Variants in FGD4 observed in about 807,000 individuals in gnomAD.
FGD4 encodes FYVE, RhoGEF and PH domain containing 4.
Under a neutral mutation model 102.0 loss-of-function variants are expected in FGD4, and 42 were observed. That is an observed-to-expected ratio of 0.41 (90% CI 0.32 to 0.53). The LOEUF is 0.53. FGD4 is among the 20% of genes least tolerant of loss of function. The pLI is 0.21. For synonymous variants in FGD4, 380 were observed against 375.7 expected, an observed-to-expected ratio of 1.01 and a Z score of -0.13; for missense variants, 902 against 1,078.2, an observed-to-expected ratio of 0.84 and a Z score of 2.29.
intron 2 of FGD4, among the ~76,000 whole-genome samples, chr12:32,567,466 T>A (rs1480372856): frequency 6.6e-6 from 1 of 152,106 alleles, no homozygotes; most frequent in Non-Finnish European, 1.5e-5. Flanking sequence ...TGCTTGACAC[T>A]GCTTGTGGGA....
chr12:32,526,087 A>C (rs1335009063), intron 1 of FGD4, among the ~76,000 whole-genome samples: 1 of 152,232 alleles, frequency 6.6e-6, no homozygotes, highest in Non-Finnish European at 1.5e-5. Context: ...AGGCAGCTCC[A>C]CCTGCAGCCC....
rs913906206 is a variant in FGD4, at chr12:32,522,367, C to T, written c.167-41770C>T. On this transcript the variant is annotated intron_variant, in intron 1 of 16. Coordinates refer to ENST00000534526, the MANE Select transcript of FGD4 (RefSeq NM_001370298.3). ...TCTGAATTTGGCCTTTAAGAATATT[C>T]GGGCCAACACAAAAGGCCCAAGTTG... Among the ~76,000 whole-genome samples, 7 of 152,190 alleles carry T rather than the reference C, an allele frequency of 4.6e-5. No individual in the cohort carries two copies. The East Asian group carries it at 5.8e-4, about 13-fold the overall frequency.
At chr12:32,640,180 G>A in intron 16 of FGD4, 96 bp from the exon 17 acceptor site, 1 of 1,588,526 alleles carries the variant, frequency 6.3e-7, no homozygotes, top group South Asian at 1.1e-5. Context: ...AAGTCTGTTT[G>A]GGACAGTGGT....
intron 1 of FGD4, among the ~76,000 whole-genome samples, chr12:32,469,117 C>T (rs779289468): frequency 3.3e-5 from 5 of 151,964 alleles, no homozygotes; most frequent in East Asian, 1.9e-4. Flanking sequence ...TGAGCCATTG[C>T]GCCCGGCCTA....
intron 2 of FGD4, among the ~76,000 whole-genome samples, chr12:32,568,054 C>T (rs1018501737): frequency 6.7e-6 from 1 of 149,210 alleles, no homozygotes; most frequent in African/African-American, 2.5e-5. Context: ...GTAGTAATGT[C>T]TCTGGAACAA....
chr12:32,415,508 C>T lies in FGD4; in HGVS notation c.166+15549C>T, dbSNP rs938735485. 6.7e-5 allele frequency among the ~76,000 whole-genome samples: 10 copies of T among 150,036 alleles called. 1 individual carries two copies. Among genetic ancestry groups the T allele is most frequent in the Admixed American group, 5.4e-4 (8 of 14,930 alleles). ...CACAGTCTCGGCTCACTGCAAGCTCCGTCTCCTGGGTTCACGCCATTCTCC... is the reference window on the plus strand; with the variant it reads ...CACAGTCTCGGCTCACTGCAAGCTCTGTCTCCTGGGTTCACGCCATTCTCC... On this transcript the variant is annotated intron_variant, in intron 1 of 16. Coordinates refer to ENST00000534526, the MANE Select transcript of FGD4 (RefSeq NM_001370298.3).
At chr12:32,553,789 C>A (rs1443635432) in intron 1 of FGD4, among the ~76,000 whole-genome samples, 1 of 152,086 alleles carries the variant, frequency 6.6e-6, no homozygotes, top group Non-Finnish European at 1.5e-5. Flanking sequence ...GTTAGTGATC[C>A]TAGTAAATGT....
chr12:32,489,055 A>G (rs956680742), intron 1 of FGD4, among the ~76,000 whole-genome samples: 3 of 152,234 alleles, frequency 2.0e-5, no homozygotes, highest in African/African-American at 7.2e-5. Flanking sequence ...AAACCACAGT[A>G]GTACTGGTTT....
intron 1 of FGD4, among the ~76,000 whole-genome samples, chr12:32,433,931 C>G (rs1319924041): frequency 1.3e-5 from 2 of 152,080 alleles, no homozygotes; most frequent in Non-Finnish European, 2.9e-5. Context: ...TCTTGGCTCA[C>G]TGCGACCTCC....
intron 1 of FGD4, among the ~76,000 whole-genome samples, chr12:32,448,613 C>T (rs1264705775): frequency 3.3e-5 from 5 of 150,342 alleles, no homozygotes; most frequent in South Asian, 2.1e-4. Flanking sequence ...GCTGAGATCG[C>T]GCCACGGCAC....
At chr12:32,585,254 A>ATATATATATATATATATG in intron 4 of FGD4, among the ~76,000 whole-genome samples, 2 of 135,820 alleles carry the variant, frequency 1.5e-5, no homozygotes, top group Admixed American at 7.5e-5. Context: ...ATATATATAT[A>ATATATATATATATATATG]TATGTATATC....
chr12:32,568,953 A>C (rs1156873084), intron 2 of FGD4, among the ~76,000 whole-genome samples: 3 of 152,158 alleles, frequency 2.0e-5, no homozygotes, highest in African/African-American at 7.2e-5. Flanking sequence ...AGAGATCTCA[A>C]ATTTAGTGTA....
In FGD4 at chr12:32,640,632, AT is replaced by A; in HGVS notation, c.*100del. ...ATCTGCTAGCACTTTATGTTGAAAA[AT>A]ATAGGCCCATAAATGCATCTTTTGA... On this transcript the variant is annotated 3_prime_UTR_variant, in exon 17 of 17. Transcript: ENST00000534526. The A allele has an allele frequency of 2.0e-6, 3 of 1,528,170 alleles. No individual in the cohort carries two copies. The highest frequency in any genetic ancestry group is 2.7e-6 in the Non-Finnish European group (3 of 1,114,462). 94.7% of individuals were successfully genotyped at this position (1,528,170 alleles called of 1,614,324 possible). A position where few individuals can be genotyped will look rare whatever the true frequency, so the allele number is the denominator to read the frequency against.
At chr12:32,460,853 C>T (rs1169364668) in intron 1 of FGD4, among the ~76,000 whole-genome samples, 3 of 152,198 alleles carry the variant, frequency 2.0e-5, no homozygotes, top group Non-Finnish European at 4.4e-5. Context: ...CCTGCCCATG[C>T]GCACAATCAC....
chr12:32,431,508 T>A (rs1053888119), intron 1 of FGD4, among the ~76,000 whole-genome samples: 1 of 152,200 alleles, frequency 6.6e-6, no homozygotes, highest in Non-Finnish European at 1.5e-5. Context: ...GTGGCATATT[T>A]AGAAGATAGG....
chr12:32,610,923 A>T, intron 9 of FGD4, 89 bp downstream of exon 9: 1 of 1,423,234 alleles, frequency 7.0e-7, no homozygotes, highest in Non-Finnish European at 9.9e-7. Flanking sequence ...GACCAAAGTG[A>T]ATTGAAATAG....
chr12:32,603,323 AG>A (rs1303234126), intron 7 of FGD4, among the ~76,000 whole-genome samples: 1 of 152,194 alleles, frequency 6.6e-6, no homozygotes, highest in Non-Finnish European at 1.5e-5. Flanking sequence ...GAATGAATGA[AG>A]AATGAAGTCC....
chr12:32,613,407 T>TTGTTATAACATGGGTTATAACAGACA (rs1949267884), intron 10 of FGD4, among the ~76,000 whole-genome samples: 1 of 152,200 alleles, frequency 6.6e-6, no homozygotes, highest in African/African-American at 2.4e-5. Flanking sequence ...CCATAGTAAC[T>TTGTTATAACATGGGTTATAACAGACA]TGTTATAACA....
chr12:32,468,637 G>C (rs1179976825), intron 1 of FGD4, among the ~76,000 whole-genome samples: 3 of 152,180 alleles, frequency 2.0e-5, no homozygotes, highest in Non-Finnish European at 4.4e-5. Context: ...AGCACTTTGG[G>C]AGGCTGAGGC....
Sources: allele counts gnomAD v4.1 joint callset (sites outside exome capture counted in the v4.1 genomes callset), GRCh38; gene constraint gnomAD v4.1.1; transcripts MANE v1.5; gene names NCBI Gene and HGNC (gene_info 2026-07-23, HGNC 2026-07-21).